Variants in DNAH10 observed in about 807,000 individuals in gnomAD.
DNAH10 encodes the protein dynein axonemal heavy chain 10.
Under a neutral mutation model 506.6 loss-of-function variants are expected in DNAH10, and 348 were observed. The observed-to-expected ratio is 0.69, with a 90% CI of 0.63 to 0.75. The LOEUF (loss-of-function observed/expected upper bound fraction) is 0.75. DNAH10 is among the 30% of genes least tolerant of loss of function. The probability of loss-of-function intolerance (pLI) is 0.00; values close to 1 mark genes in which losing one functional copy is unlikely to be tolerated. For synonymous variants in DNAH10, 2,059 were observed against 2,198.6 expected (o/e 0.94, Z 1.78); for missense variants, 5,179 against 5,787.1 (o/e 0.89, Z 3.41).
Position 123,903,753 on chromosome 12 carries a change from T to C in DNAH10, c.9815+640T>C, listed in dbSNP as rs1953642306. 6.6e-6 allele frequency among the ~76,000 whole-genome samples: 1 copy of C among 152,224 alleles called. No individual in the cohort carries two copies. The highest frequency in any genetic ancestry group is 6.5e-5 in the Admixed American group (1 of 15,292). On this transcript the variant is annotated intron_variant, in intron 57 of 78. Coordinates refer to ENST00000673944, the MANE Select transcript of DNAH10 (RefSeq NM_001372106.1). The surrounding 1 kb of genome is among the most constrained non-coding windows in gnomAD (Gnocchi z 4.6). Reference sequence around the variant, plus strand: ...CTGTTCCTGGGCTCTGATGGTCAGTTGAGTCTTGTGAGTAAAGCCCTGGGA... The same window carrying C: ...CTGTTCCTGGGCTCTGATGGTCAGTCGAGTCTTGTGAGTAAAGCCCTGGGA...
chr12:123,789,632 C>G (rs1277771315), intron 10 of DNAH10, among the ~76,000 whole-genome samples: 1 of 152,128 alleles, frequency 6.6e-6, no homozygotes, highest in East Asian at 1.9e-4. Flanking sequence ...GATCCGCCCC[C>G]CTCAGCCTCC....
At chr12:123,870,676 G>A (rs1009832530) in intron 44 of DNAH10, among the ~76,000 whole-genome samples, 191 bp downstream of exon 44, 3 of 152,126 alleles carry the variant, frequency 2.0e-5, no homozygotes, top group Non-Finnish European at 4.4e-5. Context: ...ATTTTTGTCA[G>A]CTGCTGGCTC....
intron 28 of DNAH10, among the ~76,000 whole-genome samples, chr12:123,837,472 G>A (rs1255891777): frequency 6.6e-6 from 1 of 151,922 alleles, no homozygotes; most frequent in Non-Finnish European, 1.5e-5. Context: ...CCCTTGCCCA[G>A]GGTAACCATT....
At chr12:123,806,156 G>A (rs1485585632) in intron 18 of DNAH10, among the ~76,000 whole-genome samples, 5 of 152,152 alleles carry the variant, frequency 3.3e-5, no homozygotes, top group Admixed American at 1.3e-4. Context: ...TCTATGGATT[G>A]TTAACTTCAT....
rs914484645 is a variant in DNAH10 at position 123,914,173 on chromosome 12, G to A, written c.10353-156G>A. Reference sequence around the variant, plus strand: ...AGGGTGGGAAGTTGCAAGATAAGCTGTTGGTCTCTGTTCCTCACAAGGAAA... The same window carrying A: ...AGGGTGGGAAGTTGCAAGATAAGCTATTGGTCTCTGTTCCTCACAAGGAAA... On this transcript the variant is annotated intron_variant, in intron 60 of 78. Transcript: ENST00000673944. Among the ~76,000 whole-genome samples, 10 of 152,212 alleles carry A rather than the reference G, an allele frequency of 6.6e-5. 1 individual carries two copies. The highest frequency in any genetic ancestry group is 2.2e-4 in the African/African-American group (9 of 41,442).
chr12:123,930,440 C>T lies in DNAH10; in HGVS notation c.12651C>T (p.Arg4217=). Residue 4217 remains arginine (R), a synonymous_variant, in exon 73 of 79, where the codon CGC becomes CGT. Transcript: ENST00000673944. ...YGGRAIDSFD[R]RILTIYMDEY... ...GACGGGCCATCGACAGCTTTGATCG[C>T]CGCATCCTGACCATCTACATGGATG... The T allele has an allele frequency of 6.3e-7, 1 of 1,597,134 alleles. No homozygotes were observed. Among genetic ancestry groups the T allele is most frequent in the South Asian group, 1.1e-5 (1 of 88,082 alleles).
At chr12:123,839,811 A>C (rs999235917) in intron 29 of DNAH10, among the ~76,000 whole-genome samples, 1 of 151,976 alleles carries the variant, frequency 6.6e-6, no homozygotes, top group Non-Finnish European at 1.5e-5. Context: ...TACAGGCGCC[A>C]GCCACTGTCA....
chr12:123,870,335 T>C, intron 43 of DNAH10, 31 bp from the exon 44 acceptor site: 1 of 1,604,672 alleles, frequency 6.2e-7, no homozygotes, highest in Non-Finnish European at 8.5e-7. Context: ...GTGTTTATGA[T>C]TCAAGTGAAA....
Position 123,931,823 on chromosome 12 carries a change from G to A in DNAH10, c.13104G>A (p.Thr4368=), listed in dbSNP as rs754973517. Residue 4368 remains threonine, a synonymous_variant, in exon 75 of 79, where the codon ACG becomes ACA. Transcript: ENST00000673944. ...ERFNKLVVRM[T]KSLAELQRAL... ...TCAACAAGCTTGTGGTCCGGATGAC[G>A]AAGTCTCTGGCTGAACTTCAAAGGG... 15 of 1,613,908 alleles carry A rather than the reference G, an allele frequency of 9.3e-6. No homozygotes were observed. In the East Asian group the frequency reaches 1.8e-4, roughly 19 times the overall value.
At position 123,928,375 on chromosome 12, in the gene DNAH10, C is replaced by T. The variant is rs1408406987; in HGVS notation, c.12106-12C>T. ...TGCCAACCCCTCTCCTCTTCCCTCT[C>T]CCCCGGCGCAGGTGGCCCTGCAGCT... On this transcript the variant is annotated splice_polypyrimidine_tract_variant and intron_variant, in intron 69 of 78. Coordinates refer to ENST00000673944, the MANE Select transcript of DNAH10 (RefSeq NM_001372106.1). This position sits in a 1 kb window ranked among gnomAD's most constrained non-coding sequence, Gnocchi z 4.9. The T allele has an allele frequency of 6.3e-7, 1 of 1,576,328 alleles. No homozygotes were observed. Among genetic ancestry groups the T allele is most frequent in the Non-Finnish European group, 8.6e-7 (1 of 1,161,556 alleles).
intron 15 of DNAH10, among the ~76,000 whole-genome samples, chr12:123,800,941 T>C (rs1377223058): frequency 6.6e-6 from 1 of 151,550 alleles, no homozygotes; most frequent in Admixed American, 6.6e-5. Flanking sequence ...TGCCTGAACC[T>C]GGCAGGCAGA....
rs1958286251 is a variant in DNAH10, at chr12:123,796,637, C to T, written c.1987-19C>T. 1.3e-6 allele frequency: 2 copies of T among 1,579,996 alleles called. No individual in the cohort carries two copies. The highest frequency in any genetic ancestry group is 8.6e-7 in the Non-Finnish European group (1 of 1,161,966). On this transcript the variant is annotated intron_variant, in intron 12 of 78. Transcript: ENST00000673944. ...TGGCGATGTTTATCACTTACAGAAG[C>T]TGTTTGATTGCTTTTCAGATTGACA...
At chr12:123,823,094 A>G (rs990175613) in intron 24 of DNAH10, among the ~76,000 whole-genome samples, 14 of 152,228 alleles carry the variant, frequency 9.2e-5, no homozygotes, top group African/African-American at 2.7e-4. Flanking sequence ...AGAGTGGCCC[A>G]CTGGCCCAGG....
Position 123,785,889 on chromosome 12 carries a change from A to G in DNAH10, c.1374A>G (p.Glu458=), listed in dbSNP as rs147159744. 1.1e-5 allele frequency: 17 copies of G among 1,614,012 alleles called. No individual in the cohort carries two copies. The African/African-American group carries it at 2.3e-4, about 22-fold the overall frequency. Residue 458 remains glutamate, a synonymous_variant, in exon 9 of 79, where the codon GAA becomes GAG. Coordinates refer to ENST00000673944, the MANE Select transcript of DNAH10 (RefSeq NM_001372106.1). This position sits in a 1 kb window ranked among gnomAD's most constrained non-coding sequence, Gnocchi z 4.1. Reference sequence around the variant, plus strand: ...CGCTCATGGAGCGCATCGCCTGGGAAATCGCTGAGAGAGTCTGCCGAGTGG... The same window carrying G: ...CGCTCATGGAGCGCATCGCCTGGGAGATCGCTGAGAGAGTCTGCCGAGTGG... The part of the protein sequence containing the change: ...MIPLMERIAW[E]IAERVCRVVN...
In DNAH10 at chr12:123,857,934, T is replaced by C. The variant is rs1399746931; in HGVS notation, c.6630+687T>C. 2.0e-5 allele frequency among the ~76,000 whole-genome samples: 3 copies of C among 152,336 alleles called. No individual in the cohort carries two copies. In the East Asian group the frequency reaches 5.8e-4, roughly 29 times the overall value. On this transcript the variant is annotated intron_variant, in intron 37 of 78. Coordinates refer to ENST00000673944, the MANE Select transcript of DNAH10 (RefSeq NM_001372106.1). Reference sequence around the variant, plus strand: ...TCTCTACAAATTTGACTACTCTAGGTACCTCCTGTAAGTAGAATCATGTAA... The same window carrying C: ...TCTCTACAAATTTGACTACTCTAGGCACCTCCTGTAAGTAGAATCATGTAA...
chr12:123,807,998 G>GGAAC (rs367812707), intron 18 of DNAH10, among the ~76,000 whole-genome samples: 8 of 148,290 alleles, frequency 5.4e-5, no homozygotes, highest in East Asian at 2.0e-4. Context: ...GGGAGAGAGA[G>GGAAC]ACGGGAGGAG....
chr12:123,838,675 G>A lies in DNAH10; in HGVS notation c.5122G>A (p.Glu1708Lys), dbSNP rs370823813. ...GAGCAGCGACCCACTCTGCGTCCAG[G>A]AGCACATGATCAAGGTCAGCCCTCT... is the stretch of plus-strand genomic sequence containing the variant. ...LGSSDPLCVQ[E>K]HMIKMYDNIA... Residue 1708 changes from glutamate to lysine, a missense_variant, in exon 29 of 79, where the codon GAG becomes AAG. By Grantham distance (56) the Glu-to-Lys change is moderately conservative. This residue lies in a region of DNAH10 where 4,844 missense variants were observed against 5,430.5 expected (regional missense o/e 0.89). Coordinates refer to ENST00000673944, the MANE Select transcript of DNAH10 (RefSeq NM_001372106.1). 5.0e-6 allele frequency: 8 copies of A among 1,613,526 alleles called. No homozygotes were observed. In the African/African-American group the frequency reaches 9.3e-5, roughly 19 times the overall value.
At chr12:123,843,934 T>C (rs1447092288) in intron 30 of DNAH10, among the ~76,000 whole-genome samples, 1 of 152,242 alleles carries the variant, frequency 6.6e-6, no homozygotes, top group Non-Finnish European at 1.5e-5. Flanking sequence ...ATAATGACTA[T>C]AGTAATCCGC....
At chr12:123,778,973 C>T (rs1957542313) in intron 5 of DNAH10, among the ~76,000 whole-genome samples, 1 of 151,686 alleles carries the variant, frequency 6.6e-6, no homozygotes, top group Non-Finnish European at 1.5e-5. Flanking sequence ...GATCTCAGCT[C>T]ACTGCAACCT....
Sources: allele counts gnomAD v4.1 joint callset (sites outside exome capture counted in the v4.1 genomes callset), GRCh38; gene constraint gnomAD v4.1.1; regional missense constraint gnomAD v4.1.1; non-coding constraint Gnocchi (gnomAD v3.1); transcripts MANE v1.5; gene names NCBI Gene and HGNC (gene_info 2026-07-23, HGNC 2026-07-21).